Variants in FLT3 observed in about 807,000 individuals in gnomAD.
The protein encoded by FLT3 is fms related receptor tyrosine kinase 3, also known as receptor-type tyrosine-protein kinase FLT3.
A neutral mutation model predicts 126.6 loss-of-function variants in FLT3; 46 were observed. The observed-to-expected ratio is 0.36, with a 90% CI of 0.29 to 0.46. FLT3 has a LOEUF of 0.46. Ranked by LOEUF, FLT3 falls within the 20% of genes least tolerant of loss-of-function variation. FLT3 has a pLI of 1.00. For missense variants in FLT3, 1,069 were observed against 1,190.3 expected (o/e 0.90, Z 1.50); for synonymous variants, 404 against 434.4 (o/e 0.93, Z 0.87).
intron 1 of FLT3, among the ~76,000 whole-genome samples, chr13:28,093,181 C>T (rs1879235371): frequency 6.6e-6 from 1 of 151,640 alleles, no homozygotes; most frequent in African/African-American, 2.4e-5. Context: ...TCACCTTGGC[C>T]TCCCAAACTG....
chr13:28,049,646 C>T lies in FLT3; in HGVS notation c.871G>A (p.Ala291Thr), dbSNP rs750925076. The T allele has an allele frequency of 4.3e-6, 7 of 1,614,140 alleles. No homozygotes were observed. Among genetic ancestry groups the T allele is most frequent in the Non-Finnish European group, 5.9e-6 (7 of 1,180,012 alleles). The change falls in exon 7 of 24, where the codon GCA becomes ACA. Residue 291 changes from alanine (A) to threonine (T), a missense_variant. Transcript: ENST00000241453. ...ACTTGTCCTATTACCTCCTCGAGTG[C>T]TTTGTTTTCTAATTCCCAGGTGAGC... Reference protein sequence around the residue: ...FGLTWELENKALEEGNYFEMS... With the variant: ...FGLTWELENKTLEEGNYFEMS...
At chr13:28,016,732 T>G (rs984355398) in intron 20 of FLT3, among the ~76,000 whole-genome samples, 2 of 152,238 alleles carry the variant, frequency 1.3e-5, no homozygotes, top group Admixed American at 1.3e-4. Context: ...AGAAATTAAT[T>G]GTGGTTCCAA....
At chr13:28,098,178 G>A (rs562576797) in intron 1 of FLT3, among the ~76,000 whole-genome samples, 4 of 152,008 alleles carry the variant, frequency 2.6e-5, no homozygotes, top group South Asian at 2.1e-4. Context: ...AGCTGGGTGC[G>A]GTGGCACGCA....
chr13:28,088,584 CTTTTTT>C (rs34680883), intron 1 of FLT3, among the ~76,000 whole-genome samples: 3 of 103,360 alleles, frequency 2.9e-5, no homozygotes, highest in Non-Finnish European at 5.5e-5. Flanking sequence ...CATCCAAAAC[CTTTTTT>C]TTTTTTTTTT....
At position 28,008,374 on chromosome 13, in the gene FLT3, ACT is replaced by A. The variant is rs201421421; in HGVS notation, c.2860-4202_2860-4201del. Among the ~76,000 whole-genome samples, 609 of 151,442 alleles carry A rather than the reference ACT, an allele frequency of 4.0e-3. 2 individuals are homozygous for A. Among genetic ancestry groups the A allele is most frequent in the African/African-American group, 0.014 (571 of 41,284 alleles). On this transcript the variant is annotated intron_variant, in intron 23 of 23. Coordinates refer to ENST00000241453, the MANE Select transcript of FLT3 (RefSeq NM_004119.3). Reference sequence around the variant, plus strand: ...GAATTTAGAATTATGAATTTGGGTAACTCTCACAGGTTTTAATAGGCAATATC... The same window carrying A: ...GAATTTAGAATTATGAATTTGGGTAACTCACAGGTTTTAATAGGCAATATC...
At chr13:28,034,547 T>G in intron 12 of FLT3, 140 bp from the exon 13 acceptor site, 2 of 643,110 alleles carry the variant, frequency 3.1e-6, no homozygotes, top group Non-Finnish European at 2.8e-6. Flanking sequence ...ACATATACTC[T>G]ACTCCCCACA....
chr13:28,015,527 G>GA (rs1180198335), intron 21 of FLT3, 63 bp downstream of exon 21: 2 of 644,484 alleles, frequency 3.1e-6, no homozygotes, highest in Non-Finnish European at 5.5e-6. Context: ...GGGTGGGGCG[G>GA]CACCGAGAGA....
At position 28,034,294 on chromosome 13, in the gene FLT3, C is replaced by G. The variant is rs1593240928; in HGVS notation, c.1704+7G>C. ...AAAGAATAATGAATTTTTACCTTTGCTTTTACCTTTTTGTACTTGTGACAA... is the reference window on the plus strand; with the variant it reads ...AAAGAATAATGAATTTTTACCTTTGGTTTTACCTTTTTGTACTTGTGACAA... On this transcript the variant is annotated splice_region_variant and intron_variant, in intron 13 of 23. Coordinates refer to ENST00000241453, the MANE Select transcript of FLT3 (RefSeq NM_004119.3). 2 of 1,612,842 alleles carry G rather than the reference C, an allele frequency of 1.2e-6. No homozygotes were observed.
Position 28,049,690 on chromosome 13 carries a change from T to G in FLT3, c.827A>C (p.His276Pro), listed in dbSNP as rs1315493513. The change falls in exon 7 of 24, where the codon CAT becomes CCT. Residue 276 changes from histidine (H) to proline (P), a missense_variant. By Grantham distance (77) the His-to-Pro change is moderately conservative. Coordinates refer to ENST00000241453, the MANE Select transcript of FLT3 (RefSeq NM_004119.3). ...GGTGAGCCCGAATCCATGGTTCACA[T>G]GAACAGCTTTGCACCTTATCCATAA... ...EPLWIRCKAV[H>P]VNHGFGLTWE... is the part of the protein sequence containing the mutation. 1 of 1,614,208 alleles carries G rather than the reference T, an allele frequency of 6.2e-7. No individual in the cohort carries two copies.
intron 23 of FLT3, among the ~76,000 whole-genome samples, chr13:28,011,729 C>G (rs1191225067): frequency 1.6e-5 from 2 of 124,788 alleles, no homozygotes; most frequent in Non-Finnish European, 3.5e-5. Context: ...TTCTTTCTCT[C>G]TTTCTTCTTT....
intron 23 of FLT3, among the ~76,000 whole-genome samples, chr13:28,004,769 G>A (rs1870737373): frequency 6.6e-6 from 1 of 152,104 alleles, no homozygotes; most frequent in Non-Finnish European, 1.5e-5. Context: ...TCAAATCATA[G>A]TCAAATATTT....
chr13:28,007,882 T>C (rs1448155465), intron 23 of FLT3, among the ~76,000 whole-genome samples: 3 of 152,226 alleles, frequency 2.0e-5, no homozygotes, highest in Non-Finnish European at 4.4e-5. Flanking sequence ...AAACAACTTT[T>C]GGTTTTCCTG....
chr13:28,091,326 A>G (rs990933152), intron 1 of FLT3, among the ~76,000 whole-genome samples: 1 of 134,530 alleles, frequency 7.4e-6, no homozygotes, highest in Non-Finnish European at 1.5e-5. Context: ...GGTTCACGCC[A>G]TTCTCCTGCC....
At chr13:28,021,088 C>G (rs1471282804) in intron 19 of FLT3, among the ~76,000 whole-genome samples, 1 of 152,108 alleles carries the variant, frequency 6.6e-6, no homozygotes, top group Non-Finnish European at 1.5e-5. Context: ...TGTTCTCCCA[C>G]CTCTATAAAG....
intron 9 of FLT3, among the ~76,000 whole-genome samples, chr13:28,040,576 T>G (rs1441267683): frequency 6.6e-6 from 1 of 152,138 alleles, no homozygotes; most frequent in Non-Finnish European, 1.5e-5. Context: ...TAATTGCAGC[T>G]TTTGAGCCCA....
At chr13:28,046,369 G>A (rs1417376609) in intron 9 of FLT3, among the ~76,000 whole-genome samples, 3 of 152,014 alleles carry the variant, frequency 2.0e-5, no homozygotes, top group East Asian at 1.9e-4. Context: ...AACACTTAGC[G>A]GAATCAAGGT....
intron 17 of FLT3, among the ~76,000 whole-genome samples, chr13:28,026,429 G>A (rs184702286): frequency 1.3e-5 from 2 of 150,712 alleles, no homozygotes; most frequent in East Asian, 3.9e-4. Flanking sequence ...AATCCATTCA[G>A]AGAAAGGTGC....
At position 28,048,342 on chromosome 13, in the gene FLT3, T is replaced by G; in HGVS notation, c.1138A>C (p.Arg380=). ...TTTCGAGAGAAGGTCCACGTACATC[T>G]GATTTGTGGGTAGGCTTTAAACCTG... ...SVRFKAYPQI[R]CTWTFSRKSF... is the part of the protein sequence containing the mutation. Residue 380 remains arginine (R), a synonymous_variant, in exon 9 of 24, where the codon AGA becomes CGA. Transcript: ENST00000241453. The G allele has an allele frequency of 6.2e-7, 1 of 1,613,926 alleles. No individual in the cohort carries two copies. The highest frequency in any genetic ancestry group is 8.5e-7 in the Non-Finnish European group (1 of 1,179,800).
intron 9 of FLT3, 66 bp from the exon 10 acceptor site, chr13:28,037,354 A>G: frequency 2.2e-6 from 2 of 919,454 alleles, no homozygotes; most frequent in Admixed American, 3.5e-5. Flanking sequence ...AACTAATGAC[A>G]GTGTGCATGG....
Sources: allele counts gnomAD v4.1 joint callset (sites outside exome capture counted in the v4.1 genomes callset), GRCh38; gene constraint gnomAD v4.1.1; transcripts MANE v1.5; gene names NCBI Gene and HGNC (gene_info 2026-07-23, HGNC 2026-07-21).